DPP10: variants seen among roughly 807,000 people sequenced by gnomAD.
DPP10 encodes inactive dipeptidyl peptidase 10.
Under a neutral mutation model 120.9 loss-of-function variants are expected in DPP10, and 33 were observed. The ratio of observed to expected loss-of-function variants is 0.27; its 90% CI spans 0.21 to 0.37. The LOEUF is 0.37. Ranked by LOEUF, DPP10 falls within the 10% of genes least tolerant of loss-of-function variation. The pLI is 1.00. For synonymous variants in DPP10, 337 were observed against 326.1 expected (o/e 1.03, Z -0.36); for missense variants, 816 against 942.8 (o/e 0.87, Z 1.76).
chr2:114,679,533 A>G (rs1352440516), intron 1 of DPP10, among the ~76,000 whole-genome samples: 3 of 151,750 alleles, frequency 2.0e-5, no homozygotes, highest in South Asian at 2.1e-4. Flanking sequence ...AAGAAAGTAG[A>G]AAAAAAATCT....
intron 3 of DPP10, among the ~76,000 whole-genome samples, chr2:115,452,211 G>A (rs963974280): frequency 2.0e-5 from 3 of 151,812 alleles, no homozygotes; most frequent in African/African-American, 7.3e-5. Context: ...ACTTCTGTTG[G>A]CCTACTTTGC....
chr2:115,401,558 G>A (rs546058301), intron 3 of DPP10, among the ~76,000 whole-genome samples: 5 of 152,168 alleles, frequency 3.3e-5, no homozygotes, highest in African/African-American at 1.2e-4. Flanking sequence ...ACTCCAGTCC[G>A]GGCGACATTG....
Position 115,753,242 on chromosome 2 carries a change from C to G in DPP10, c.1019C>G (p.Ala340Gly). Residue 340 changes from alanine to glycine, a missense_variant, in exon 11 of 26, where the codon GCT becomes GGT. Around this residue, in one of 3 missense-constraint regions of DPP10, gnomAD observed 592 missense variants for 649.0 expected, o/e 0.91. Transcript: ENST00000410059. ...ACTGTGGTAAGATGGTTAAACCGAGCTCAGAACATCTCCATCCTCACAGTC... is the reference window on the plus strand; with the variant it reads ...ACTGTGGTAAGATGGTTAAACCGAGGTCAGAACATCTCCATCCTCACAGTC... ...TKTVVRWLNRAQNISILTVCE... is the reference protein window; with the variant it reads ...TKTVVRWLNRGQNISILTVCE... 1 of 1,611,860 alleles carries G rather than the reference C, an allele frequency of 6.2e-7. No homozygotes were observed. The highest frequency in any genetic ancestry group is 8.5e-7 in the Non-Finnish European group (1 of 1,178,542).
At chr2:115,185,629 G>A (rs926469817) in intron 1 of DPP10, among the ~76,000 whole-genome samples, 2 of 152,122 alleles carry the variant, frequency 1.3e-5, no homozygotes, top group Admixed American at 6.6e-5. Context: ...GAGGAAAATT[G>A]CATTAAGAGT....
At chr2:115,415,875 A>ATATATATT (rs1221606221) in intron 3 of DPP10, among the ~76,000 whole-genome samples, 1 of 137,166 alleles carries the variant, frequency 7.3e-6, no homozygotes, top group Non-Finnish European at 1.6e-5. Flanking sequence ...ATATATATAT[A>ATATATATT]TGCACACACA....
At chr2:114,694,707 C>T (rs1699969321) in intron 1 of DPP10, among the ~76,000 whole-genome samples, 1 of 151,906 alleles carries the variant, frequency 6.6e-6, no homozygotes, top group African/African-American at 2.4e-5. Context: ...AGTACAGCAT[C>T]AGTTATAAGT....
chr2:114,467,013 G>A (rs1371825134), intron 1 of DPP10, among the ~76,000 whole-genome samples: 8 of 150,274 alleles, frequency 5.3e-5, no homozygotes, highest in African/African-American at 2.0e-4. Flanking sequence ...TGCCTCCCAG[G>A]GCGAGAGAGG....
chr2:114,780,122 C>T (rs533947702), intron 1 of DPP10, among the ~76,000 whole-genome samples: 4 of 150,208 alleles, frequency 2.7e-5, no homozygotes, highest in African/African-American at 7.3e-5. Context: ...GGTGACAAAG[C>T]GAGACTGCGT....
chr2:115,672,674 TTCTTTC>T (rs1265988833), intron 5 of DPP10, among the ~76,000 whole-genome samples: 1 of 125,988 alleles, frequency 7.9e-6, no homozygotes, highest in African/African-American at 3.1e-5. Context: ...CTTTCTCTCT[TTCTTTC>T]TCTTTCTTTC....
At chr2:115,617,112 C>T (rs947567142) in intron 5 of DPP10, among the ~76,000 whole-genome samples, 6 of 149,280 alleles carry the variant, frequency 4.0e-5, no homozygotes, top group Non-Finnish European at 8.9e-5. Flanking sequence ...TTTTCAGGTG[C>T]TGGGGATACA....
At chr2:115,112,771 G>C (rs893230097) in intron 1 of DPP10, among the ~76,000 whole-genome samples, 1 of 152,160 alleles carries the variant, frequency 6.6e-6, no homozygotes, top group Non-Finnish European at 1.5e-5. Flanking sequence ...ATGTTCAAGA[G>C]ATCTACTGTA....
At chr2:114,653,268 A>G (rs1558970167) in intron 1 of DPP10, among the ~76,000 whole-genome samples, 1 of 152,124 alleles carries the variant, frequency 6.6e-6, no homozygotes, top group Non-Finnish European at 1.5e-5. Flanking sequence ...GGAGAAGGCC[A>G]CATGATGCTG....
intron 21 of DPP10, among the ~76,000 whole-genome samples, chr2:115,832,857 G>C (rs1689074966): frequency 6.6e-6 from 1 of 151,934 alleles, no homozygotes; most frequent in South Asian, 2.1e-4. Context: ...GGACTAAGAA[G>C]ATGTTTCCGG....
intron 1 of DPP10, among the ~76,000 whole-genome samples, chr2:114,522,011 G>A (rs1274235929): frequency 3.9e-5 from 5 of 128,874 alleles, no homozygotes; most frequent in African/African-American, 6.0e-5. Flanking sequence ...ACGGAGTCTC[G>A]CTCTGTCACC....
intron 1 of DPP10, among the ~76,000 whole-genome samples, chr2:115,297,508 ATAT>A (rs76917044): frequency 0.036 from 5,548 of 152,156 alleles, 212 homozygotes; most frequent in East Asian, 0.2. Flanking sequence ...TAAAGAATAA[ATAT>A]TATACTAAGC....
chr2:114,834,404 C>A (rs866262421), intron 1 of DPP10, among the ~76,000 whole-genome samples: 178 of 148,544 alleles, frequency 1.2e-3, no homozygotes, highest in African/African-American at 4.1e-3. Flanking sequence ...TATATATAAG[C>A]CATATCTACA....
intron 1 of DPP10, among the ~76,000 whole-genome samples, chr2:114,475,887 T>C (rs923219142): frequency 6.6e-6 from 1 of 152,102 alleles, no homozygotes; most frequent in African/African-American, 2.4e-5. Flanking sequence ...GGCGGTGCAG[T>C]TGGAGTGAAT....
At chr2:115,627,283 C>A (rs1328338657) in intron 5 of DPP10, among the ~76,000 whole-genome samples, 1 of 152,098 alleles carries the variant, frequency 6.6e-6, no homozygotes, top group Non-Finnish European at 1.5e-5. Context: ...ACACCTGACA[C>A]TGGGCAGATG....
intron 1 of DPP10, among the ~76,000 whole-genome samples, chr2:115,279,652 C>CTTTTTTTTTTTTTTTTTTTTT (rs1244784112): frequency 5.7e-5 from 2 of 35,252 alleles, no homozygotes; most frequent in African/African-American, 1.0e-4. Context: ...TTTTTTTCTT[C>CTTTTTTTTTTTTTTTTTTTTT]TTCTTTTTTT....
Sources: allele counts gnomAD v4.1 joint callset (sites outside exome capture counted in the v4.1 genomes callset), GRCh38; gene constraint gnomAD v4.1.1; regional missense constraint gnomAD v4.1.1; transcripts MANE v1.5; gene names NCBI Gene and HGNC (gene_info 2026-07-23, HGNC 2026-07-21).